Variants in GRK3 observed in about 807,000 individuals in gnomAD.
The protein encoded by GRK3 is adrenergic, beta, receptor kinase 2.
In GRK3, 54 loss-of-function variants were observed where a neutral mutation model predicts 95.7. The ratio of observed to expected loss-of-function variants is 0.56; its 90% CI spans 0.45 to 0.71. The LOEUF (loss-of-function observed/expected upper bound fraction) is 0.71, where lower values mean the gene tolerates loss of function less well. Ranked by LOEUF, GRK3 falls within the 30% of genes least tolerant of loss-of-function variation. The probability of loss-of-function intolerance (pLI) is 0.00; values close to 1 mark genes in which losing one functional copy is unlikely to be tolerated. For missense variants in GRK3, 649 were observed against 851.2 expected (o/e 0.76, Z 2.96); for synonymous variants, 281 against 290.8 (o/e 0.97, Z 0.34).
intron 3 of GRK3, among the ~76,000 whole-genome samples, chr22:25,650,344 A>G (rs1302011824): frequency 2.6e-5 from 4 of 152,206 alleles, no homozygotes; most frequent in African/African-American, 9.6e-5. Context: ...AAGGCAATAT[A>G]TAATTGAAAC....
chr22:25,686,258 A>G (rs1489103777), intron 10 of GRK3, among the ~76,000 whole-genome samples: 1 of 151,932 alleles, frequency 6.6e-6, no homozygotes, highest in Non-Finnish European at 1.5e-5. Flanking sequence ...ACCCCGAAAC[A>G]GGAAGGAATT....
At chr22:25,715,901 A>G (rs961118669) in intron 18 of GRK3, among the ~76,000 whole-genome samples, 4 of 152,154 alleles carry the variant, frequency 2.6e-5, no homozygotes, top group African/African-American at 9.7e-5. Context: ...CTTTATATAA[A>G]CGTTGCCAGA....
At chr22:25,568,191 A>G (rs529223293) in intron 1 of GRK3, among the ~76,000 whole-genome samples, 12 of 152,334 alleles carry the variant, frequency 7.9e-5, no homozygotes, top group African/African-American at 2.9e-4. Context: ...CATGTTGGAA[A>G]AGAAATACTT....
chr22:25,642,676 AC>A (rs1172606210), intron 2 of GRK3, among the ~76,000 whole-genome samples: 2 of 152,136 alleles, frequency 1.3e-5, no homozygotes, highest in South Asian at 2.1e-4. Context: ...GTCCATGTGT[AC>A]CCATTGTTTA....
At chr22:25,674,630 CT>C (rs2085012270) in intron 8 of GRK3, 102 bp downstream of exon 8, 1 of 895,030 alleles carries the variant, frequency 1.1e-6, no homozygotes, top group African/African-American at 1.7e-5. Context: ...TATGACATTT[CT>C]TTTGAAGTAC....
intron 3 of GRK3, chr22:25,649,366 A>G (rs941990421): frequency 1.7e-6 from 1 of 589,662 alleles, no homozygotes; most frequent in African/African-American, 1.9e-5. Flanking sequence ...AGTCCCAGAT[A>G]TGGTTCCACA....
At chr22:25,665,857 A>G (rs1202909650) in intron 5 of GRK3, among the ~76,000 whole-genome samples, 3 of 152,190 alleles carry the variant, frequency 2.0e-5, no homozygotes, top group Admixed American at 6.5e-5. Context: ...TTTTTGTTGT[A>G]AGATTGCCTT....
chr22:25,661,456 C>T (rs929787663), intron 3 of GRK3, 120 bp from the exon 4 acceptor site: 37 of 539,416 alleles, frequency 6.9e-5, no homozygotes, highest in Non-Finnish European at 9.6e-5. Flanking sequence ...GTGGAATAGC[C>T]GGTTCAGTAA....
At chr22:25,686,240 A>AG (rs1233220124) in intron 10 of GRK3, among the ~76,000 whole-genome samples, 5 of 151,628 alleles carry the variant, frequency 3.3e-5, no homozygotes, top group Non-Finnish European at 7.4e-5. Flanking sequence ...AAAACAAAAA[A>AG]CAGATCTACC....
chr22:25,593,207 G>C (rs779824531), intron 1 of GRK3, among the ~76,000 whole-genome samples: 1 of 151,866 alleles, frequency 6.6e-6, no homozygotes, highest in Non-Finnish European at 1.5e-5. Context: ...TCAGTAATAG[G>C]ATTGCTGGGT....
chr22:25,676,979 T>A lies in GRK3; in HGVS notation c.648-1837T>A, dbSNP rs374514372. 5.8e-4 allele frequency among the ~76,000 whole-genome samples: 88 copies of A among 152,284 alleles called. 1 individual carries two copies. The highest frequency in any genetic ancestry group is 3.4e-3 in the Middle Eastern group (1 of 294). ...AGGAGCCTGTTAGGTAGCTCTTTGA[T>A]ACCTTCTAAACAGAGGCCCAAGAAT... On this transcript the variant is annotated intron_variant, in intron 8 of 20. Transcript: ENST00000324198.
intron 7 of GRK3, 141 bp from the exon 8 acceptor site, chr22:25,674,296 T>A (rs1254986342): frequency 1.6e-5 from 10 of 607,150 alleles, no homozygotes; most frequent in Non-Finnish European, 2.8e-5. Flanking sequence ...ATCCTTCAGC[T>A]TAAAGACTCA....
intron 3 of GRK3, among the ~76,000 whole-genome samples, chr22:25,646,896 C>G (rs111615872): frequency 0.026 from 3,958 of 151,790 alleles, 57 homozygotes; most frequent in African/African-American, 0.039. Flanking sequence ...TGGTGCATGC[C>G]TGTAATTTCA....
At chr22:25,569,259 A>G (rs1233123959) in intron 1 of GRK3, among the ~76,000 whole-genome samples, 1 of 152,240 alleles carries the variant, frequency 6.6e-6, no homozygotes, top group Non-Finnish European at 1.5e-5. Context: ...TTTTTCATTA[A>G]GGTACAAATT....
chr22:25,617,458 A>G (rs567930663), intron 2 of GRK3, among the ~76,000 whole-genome samples: 10 of 152,158 alleles, frequency 6.6e-5, no homozygotes, highest in Non-Finnish European at 1.2e-4. Context: ...CAAGAATCCA[A>G]TGTTATTTTT....
chr22:25,681,757 G>A (rs144627285), intron 9 of GRK3, among the ~76,000 whole-genome samples: 71 of 152,298 alleles, frequency 4.7e-4, no homozygotes, highest in African/African-American at 1.7e-3. Context: ...CCTGCAAAAT[G>A]TAAGCTATTT....
intron 1 of GRK3, among the ~76,000 whole-genome samples, chr22:25,567,852 A>C (rs1931545890): frequency 6.6e-6 from 1 of 152,248 alleles, no homozygotes; most frequent in African/African-American, 2.4e-5. Flanking sequence ...ATTTAAATGA[A>C]ACACTGGGTT....
chr22:25,658,102 T>C (rs2084885064), intron 3 of GRK3, among the ~76,000 whole-genome samples: 1 of 152,230 alleles, frequency 6.6e-6, no homozygotes, highest in African/African-American at 2.4e-5. Flanking sequence ...TAACATCCTT[T>C]CTGTTATGTC....
intron 11 of GRK3, 102 bp downstream of exon 11, chr22:25,687,769 C>T (rs1237538250): frequency 6.0e-6 from 8 of 1,330,972 alleles, no homozygotes; most frequent in Non-Finnish European, 6.3e-6. Context: ...TTCCTCATAG[C>T]CCTCATCTCA....
Sources: gnomAD v4.1 joint callset for allele counts (sites outside exome capture counted in the v4.1 genomes callset) on GRCh38, gnomAD v4.1.1 for gene constraint, MANE v1.5 for transcripts, NCBI Gene and HGNC (gene_info 2026-07-23, HGNC 2026-07-21) for gene names.